The following PCDHA1 variants were observed in gnomAD, a reference collection of about 807,000 sequenced individuals.
PCDHA1 encodes protocadherin alpha 1.
In PCDHA1, 42 loss-of-function variants were observed where a neutral mutation model predicts 61.3. That is an observed-to-expected ratio of 0.69 (90% CI 0.54 to 0.89). The LOEUF (loss-of-function observed/expected upper bound fraction) is 0.89, where lower values mean the gene tolerates loss of function less well. Ranked by LOEUF, PCDHA1 falls within the 40% of genes least tolerant of loss-of-function variation. PCDHA1 has a pLI of 0.00. For missense variants in PCDHA1, 1,256 were observed against 1,235.3 expected (o/e 1.02, Z -0.25); for synonymous variants, 610 against 553.8 (o/e 1.10, Z -1.43).
intron 1 of PCDHA1, chr5:140,823,222 G>C: frequency 6.2e-7 from 1 of 1,613,732 alleles, no homozygotes; most frequent in Non-Finnish European, 8.5e-7. Flanking sequence ...GGACGCGGAC[G>C]CGCAGGAGAA....
intron 1 of PCDHA1, chr5:140,855,863 C>T (rs1435848910): frequency 2.6e-6 from 2 of 763,574 alleles, no homozygotes; most frequent in East Asian, 2.7e-5. Context: ...ATGTCGCTGT[C>T]GTCCACAAAA....
Position 140,864,265 on chromosome 5 carries a change from TC to T in PCDHA1, c.2394+75583del, listed in dbSNP as rs534238956. On this transcript the variant is annotated intron_variant, in intron 1 of 3. Coordinates refer to ENST00000504120, the MANE Select transcript of PCDHA1 (RefSeq NM_018900.4). ...ATTCATTTTCTTATTCTGATTTGTG[TC>T]CTCCATTCCTTATTGTTTTTATGTA... 9 of 152,340 alleles carry T rather than the reference TC, an allele frequency of 5.9e-5. No individual in the cohort carries two copies. In the East Asian group the frequency reaches 1.3e-3, roughly 23 times the overall value. The allele number at this position is 152,340 out of a possible 1,614,324, so 9.4% of individuals were successfully genotyped here.
intron 3 of PCDHA1, among the ~76,000 whole-genome samples, chr5:140,989,660 G>T (rs1369597923): frequency 6.6e-6 from 1 of 152,180 alleles, no homozygotes; most frequent in Non-Finnish European, 1.5e-5. Context: ...TATTTTAAAA[G>T]AAACTCTGCC....
rs138889909 is a variant in PCDHA1, at chr5:140,830,388, A to G, written c.2394+41704A>G. 2.8e-4 allele frequency: 444 copies of G among 1,614,182 alleles called. 2 individuals are homozygous for G. The highest frequency in any genetic ancestry group is 1.8e-3 in the Middle Eastern group (11 of 6,062). ...GTGTGCTCCGGGGAGGGCCCACCCA[A>G]GATGGATCTCATGGCCTTTAGCCCC... On this transcript the variant is annotated intron_variant, in intron 1 of 3. Coordinates refer to ENST00000504120, the MANE Select transcript of PCDHA1 (RefSeq NM_018900.4).
intron 1 of PCDHA1, chr5:140,835,296 A>G (rs2150233406): frequency 1.2e-6 from 2 of 1,612,776 alleles, no homozygotes; most frequent in Non-Finnish European, 8.5e-7. Flanking sequence ...AATCACAGTG[A>G]TAGGACATAT....
chr5:140,833,812 C>G (rs1772666935), intron 1 of PCDHA1, among the ~76,000 whole-genome samples: 1 of 152,102 alleles, frequency 6.6e-6, no homozygotes, highest in Admixed American at 6.6e-5. Flanking sequence ...TTCTTGAGAT[C>G]CTGGGTCCCT....
rs781883324 is a variant in PCDHA1 at position 140,927,514 on chromosome 5, G to A, written c.2395-51435G>A. 3.2e-5 allele frequency: 52 copies of A among 1,613,938 alleles called. No individual in the cohort carries two copies. The highest frequency in any genetic ancestry group is 4.2e-5 in the Non-Finnish European group (49 of 1,180,040). ...CCTGCTGGTGCTTACAGCTCGGGAC[G>A]GCGGGCTACCTGCCCGCTCAGGAGA... On this transcript the variant is annotated intron_variant, in intron 1 of 3. Coordinates refer to ENST00000504120, the MANE Select transcript of PCDHA1 (RefSeq NM_018900.4).
intron 1 of PCDHA1, chr5:140,884,812 G>A: frequency 9.0e-7 from 1 of 1,117,104 alleles, no homozygotes; most frequent in Non-Finnish European, 1.2e-6. Flanking sequence ...ACTCTGCTGT[G>A]GACATTATGT....
chr5:140,955,677 G>A (rs989922322), intron 1 of PCDHA1, among the ~76,000 whole-genome samples: 6 of 151,960 alleles, frequency 3.9e-5, no homozygotes, highest in African/African-American at 1.2e-4. Context: ...TAGTTTTTTC[G>A]AAATCTGTGA....
chr5:140,868,940 A>G, intron 1 of PCDHA1: 1 of 1,249,402 alleles, frequency 8.0e-7, no homozygotes, highest in South Asian at 1.6e-5. Context: ...GGTTGGTCTG[A>G]ACAGTGAGGC....
chr5:140,941,228 T>TTTCTTTCTTTCTTTCTTTC (rs2092920819), intron 1 of PCDHA1, among the ~76,000 whole-genome samples: 1 of 139,066 alleles, frequency 7.2e-6, no homozygotes, highest in Admixed American at 7.4e-5. Flanking sequence ...TCTTTCTTTC[T>TTTCTTTCTTTCTTTCTTTC]TTCTTTCTTT....
At chr5:140,860,165 G>T (rs1045558132) in intron 1 of PCDHA1, 2 of 147,750 alleles carry the variant, frequency 1.4e-5, no homozygotes, top group Admixed American at 1.4e-4. Flanking sequence ...ATATATATAT[G>T]TATATATATA....
intron 1 of PCDHA1, chr5:140,883,754 G>C: frequency 3.1e-6 from 5 of 1,613,118 alleles, no homozygotes; most frequent in Non-Finnish European, 4.2e-6. Flanking sequence ...CTCGCTGGTG[G>C]AGCGGCGGGT....
At chr5:140,945,243 A>G (rs1554216829) in intron 1 of PCDHA1, among the ~76,000 whole-genome samples, 1 of 152,166 alleles carries the variant, frequency 6.6e-6, no homozygotes, top group Admixed American at 6.5e-5. Flanking sequence ...AATTTAACCA[A>G]GAGGATGAAA....
chr5:140,967,762 G>A, intron 1 of PCDHA1: 1 of 1,614,216 alleles, frequency 6.2e-7, no homozygotes, highest in Non-Finnish European at 8.5e-7. Flanking sequence ...CCTCCTACCA[G>A]ATCTATGTGC....
chr5:140,859,830 T>C (rs1388131535), intron 1 of PCDHA1: 1 of 152,212 alleles, frequency 6.6e-6, no homozygotes, highest in Non-Finnish European at 1.5e-5. Flanking sequence ...AGAAGTGTAT[T>C]TGTTATTTTA....
chr5:140,787,560 G>A lies in PCDHA1; in HGVS notation c.1270G>A (p.Val424Met), dbSNP rs373032465. 6.2e-7 allele frequency: 1 copy of A among 1,614,234 alleles called. No homozygotes were observed. Among genetic ancestry groups the A allele is most frequent in the Non-Finnish European group, 8.5e-7 (1 of 1,180,044 alleles). Residue 424 changes from valine to methionine, a missense_variant, in exon 1 of 4, where the codon GTG becomes ATG. Val to Met is a conservative substitution (Grantham distance 21, BLOSUM62 1). Coordinates refer to ENST00000504120, the MANE Select transcript of PCDHA1 (RefSeq NM_018900.4). ...DRESLSVYEL[V>M]VTARDGGSPS... Reference sequence around the variant, plus strand: ...CGAGAGCCTGTCGGTCTATGAGCTGGTGGTGACCGCGCGGGACGGGGGCTC... The same window carrying A: ...CGAGAGCCTGTCGGTCTATGAGCTGATGGTGACCGCGCGGGACGGGGGCTC...
chr5:140,851,043 C>T (rs2041935214), intron 1 of PCDHA1: 7 of 1,389,064 alleles, frequency 5.0e-6, no homozygotes, highest in Middle Eastern at 2.1e-4. Flanking sequence ...ACATTGGAGC[C>T]GACTTTGTCT....
chr5:140,895,413 C>T (rs141941836), intron 1 of PCDHA1, among the ~76,000 whole-genome samples: 52 of 152,240 alleles, frequency 3.4e-4, no homozygotes, highest in African/African-American at 1.0e-3. Flanking sequence ...GCCCCATAAC[C>T]TTCTTTTGCT....
Sources: gnomAD v4.1 joint callset for allele counts (sites outside exome capture counted in the v4.1 genomes callset) on GRCh38, gnomAD v4.1.1 for gene constraint, MANE v1.5 for transcripts, NCBI Gene and HGNC (gene_info 2026-07-23, HGNC 2026-07-21) for gene names.